Variants in ZNF804A observed in about 807,000 individuals in gnomAD.
The protein encoded by ZNF804A is zinc finger protein 804A.
A neutral mutation model predicts 16.5 loss-of-function variants in ZNF804A; 2 were observed. The ratio of observed to expected loss-of-function variants is 0.12; its 90% CI spans 0.05 to 0.38. The LOEUF is 0.38. Ranked by LOEUF, ZNF804A falls within the 10% of genes least tolerant of loss-of-function variation. ZNF804A has a pLI of 0.99. For synonymous variants in ZNF804A, 534 were observed against 489.6 expected, an observed-to-expected ratio of 1.09 and a Z score of -1.20; for missense variants, 1,473 against 1,390.7, an observed-to-expected ratio of 1.06 and a Z score of -0.94.
chr2:184,720,940 A>G (rs1271775387), intron 1 of ZNF804A, among the ~76,000 whole-genome samples: 1 of 152,190 alleles, frequency 6.6e-6, no homozygotes, highest in African/African-American at 2.4e-5. Context: ...AAATAAGTCC[A>G]TATATTTGCA....
chr2:184,632,684 A>G (rs1273264019), intron 1 of ZNF804A, among the ~76,000 whole-genome samples: 1 of 152,200 alleles, frequency 6.6e-6, no homozygotes, highest in Non-Finnish European at 1.5e-5. Flanking sequence ...AGTCCTACTT[A>G]GTTTTAATTG....
intron 1 of ZNF804A, among the ~76,000 whole-genome samples, chr2:184,707,970 A>G (rs568707106): frequency 2.0e-5 from 3 of 151,970 alleles, no homozygotes; most frequent in Non-Finnish European, 4.4e-5. Context: ...ACTTTTTACT[A>G]ATAGCCATTC....
intron 1 of ZNF804A, among the ~76,000 whole-genome samples, chr2:184,655,164 GT>G (rs529895886): frequency 0.019 from 2,916 of 152,258 alleles, 37 homozygotes; most frequent in Non-Finnish European, 0.03. Flanking sequence ...TGCCCAGATT[GT>G]TTGCATTCTT....
At chr2:184,771,321 G>A (rs944284013) in intron 1 of ZNF804A, among the ~76,000 whole-genome samples, 6 of 151,864 alleles carry the variant, frequency 4.0e-5, no homozygotes, top group Non-Finnish European at 2.9e-5. Context: ...CACAAGCTTA[G>A]TGGCTTAAAA....
chr2:184,729,871 C>G (rs1366851828), intron 1 of ZNF804A, among the ~76,000 whole-genome samples: 1 of 152,100 alleles, frequency 6.6e-6, no homozygotes, highest in Non-Finnish European at 1.5e-5. Context: ...GTAAATCACC[C>G]TGTGTGATCA....
At chr2:184,796,264 A>G (rs910993828) in intron 1 of ZNF804A, among the ~76,000 whole-genome samples, 17 of 152,012 alleles carry the variant, frequency 1.1e-4, no homozygotes, top group Middle Eastern at 3.2e-3. Flanking sequence ...TTATTTCTTT[A>G]TCTTGTGGGA....
chr2:184,937,837 G>A lies in ZNF804A; in HGVS notation c.2441G>A (p.Arg814Gln), dbSNP rs765819874. 5.6e-6 allele frequency: 9 copies of A among 1,613,918 alleles called. No homozygotes were observed. Among genetic ancestry groups the A allele is most frequent in the African/African-American group, 2.7e-5 (2 of 74,904 alleles). ...APCKPKKKRRRKRGRFHPGFE... is the reference protein window; with the variant it reads ...APCKPKKKRRQKRGRFHPGFE... ...TGCAAGCCTAAAAAGAAACGGAGGC[G>A]AAAAAGAGGCAGATTCCACCCCGGA... is the stretch of plus-strand genomic sequence containing the variant. Residue 814 changes from arginine (R) to glutamine (Q), a missense_variant, in exon 4 of 4, where the codon CGA becomes CAA. By Grantham distance (43) the Arg-to-Gln change is conservative. Coordinates refer to ENST00000302277, the MANE Select transcript of ZNF804A (RefSeq NM_194250.2).
intron 1 of ZNF804A, among the ~76,000 whole-genome samples, chr2:184,769,415 A>G (rs1350701507): frequency 1.3e-5 from 2 of 152,068 alleles, no homozygotes; most frequent in African/African-American, 4.8e-5. Context: ...ATCTTTTTTC[A>G]ATTTTATATT....
At chr2:184,722,726 G>A (rs1284915302) in intron 1 of ZNF804A, among the ~76,000 whole-genome samples, 2 of 151,904 alleles carry the variant, frequency 1.3e-5, no homozygotes, top group Non-Finnish European at 2.9e-5. Flanking sequence ...TCTATACTCA[G>A]AATTAAGGTG....
intron 1 of ZNF804A, among the ~76,000 whole-genome samples, chr2:184,844,898 CT>C (rs1386802353): frequency 6.6e-6 from 1 of 151,846 alleles, no homozygotes; most frequent in Non-Finnish European, 1.5e-5. Flanking sequence ...ATGTTTTGTT[CT>C]GCTTATTTGC....
chr2:184,603,731 T>C (rs1691086757), intron 1 of ZNF804A, among the ~76,000 whole-genome samples: 1 of 152,200 alleles, frequency 6.6e-6, no homozygotes, highest in Non-Finnish European at 1.5e-5. Flanking sequence ...TCTTCATACC[T>C]TCCCACTTTA....
intron 1 of ZNF804A, among the ~76,000 whole-genome samples, chr2:184,763,361 A>G (rs1184123119): frequency 6.6e-6 from 1 of 152,180 alleles, no homozygotes; most frequent in Non-Finnish European, 1.5e-5. Context: ...AGACAGCCAT[A>G]TGATGAGAGA....
At chr2:184,730,550 A>G (rs1693497712) in intron 1 of ZNF804A, among the ~76,000 whole-genome samples, 1 of 152,046 alleles carries the variant, frequency 6.6e-6, no homozygotes, top group Admixed American at 6.6e-5. Flanking sequence ...TTTCCCCCAC[A>G]CCTGGCAACT....
chr2:184,603,304 A>T (rs1247235571), intron 1 of ZNF804A, among the ~76,000 whole-genome samples: 1 of 152,136 alleles, frequency 6.6e-6, no homozygotes, highest in Admixed American at 6.5e-5. Flanking sequence ...ATCTGTTAAA[A>T]AATATATTCA....
intron 1 of ZNF804A, among the ~76,000 whole-genome samples, chr2:184,807,695 T>C (rs1694830147): frequency 6.6e-6 from 1 of 151,938 alleles, no homozygotes; most frequent in Admixed American, 6.5e-5. Flanking sequence ...GTCTTTTTTT[T>C]CCCAATTGGT....
intron 2 of ZNF804A, among the ~76,000 whole-genome samples, chr2:184,922,466 G>A (rs1685543283): frequency 6.6e-6 from 1 of 151,838 alleles, no homozygotes; most frequent in Non-Finnish European, 1.5e-5. Context: ...TTCTTATAGA[G>A]TTGTTTGAGC....
chr2:184,800,886 T>G (rs1694714477), intron 1 of ZNF804A, among the ~76,000 whole-genome samples: 2 of 152,090 alleles, frequency 1.3e-5, no homozygotes, highest in African/African-American at 2.4e-5. Context: ...AAAGAAAATA[T>G]ATCTTTTATA....
intron 1 of ZNF804A, among the ~76,000 whole-genome samples, chr2:184,657,104 T>C (rs1175607494): frequency 2.0e-5 from 3 of 152,158 alleles, no homozygotes; most frequent in Non-Finnish European, 4.4e-5. Context: ...TTCTTTTTAG[T>C]TTGTTTGTCA....
intron 1 of ZNF804A, among the ~76,000 whole-genome samples, chr2:184,758,110 C>A (rs776907076): frequency 4.6e-5 from 7 of 151,904 alleles, no homozygotes; most frequent in Admixed American, 2.0e-4. Flanking sequence ...TGCTTGTAGA[C>A]TCTACTATGG....
Sources: gnomAD v4.1 joint callset for allele counts (sites outside exome capture counted in the v4.1 genomes callset) on GRCh38, gnomAD v4.1.1 for gene constraint, MANE v1.5 for transcripts, NCBI Gene and HGNC (gene_info 2026-07-23, HGNC 2026-07-21) for gene names.